The following FRMD4B variants were observed in gnomAD, a reference collection of about 807,000 sequenced individuals.
The protein encoded by FRMD4B is FERM domain containing 4B.
In FRMD4B, 74 loss-of-function variants were observed where a neutral mutation model predicts 141.5. The ratio of observed to expected loss-of-function variants is 0.52; its 90% CI spans 0.43 to 0.63. The LOEUF (loss-of-function observed/expected upper bound fraction) is 0.63, where lower values mean the gene tolerates loss of function less well. Among genes scored for constraint, FRMD4B ranks in the 30% least tolerant of loss-of-function variants. The pLI, the probability that FRMD4B is intolerant of heterozygous loss-of-function variation, is 0.00. For synonymous variants in FRMD4B, 506 were observed against 467.9 expected (o/e 1.08, Z -1.05); for missense variants, 1,366 against 1,253.4 (o/e 1.09, Z -1.36).
chr3:69,313,865 C>T (rs1341276150), intron 1 of FRMD4B, among the ~76,000 whole-genome samples: 3 of 151,244 alleles, frequency 2.0e-5, no homozygotes, highest in African/African-American at 4.9e-5. Flanking sequence ...AAAGGCCGGG[C>T]GCGGTGGCTC....
chr3:69,478,215 T>C (rs1178128311), intron 1 of FRMD4B, among the ~76,000 whole-genome samples: 1 of 152,178 alleles, frequency 6.6e-6, no homozygotes, highest in Non-Finnish European at 1.5e-5. Flanking sequence ...TCAGTTCTGC[T>C]CTGATTTTAG....
chr3:69,258,292 A>T (rs1330641456), intron 5 of FRMD4B, among the ~76,000 whole-genome samples: 1 of 152,018 alleles, frequency 6.6e-6, no homozygotes, highest in Non-Finnish European at 1.5e-5. Flanking sequence ...AATTTTTTTT[A>T]TTGAGGTACA....
At position 69,502,838 on chromosome 3, in the gene FRMD4B, GAAAC is replaced by G. The variant is rs1270839561; in HGVS notation, c.-129+39364_-129+39367del. The stretch of plus-strand genomic sequence containing the variant: ...ACAAAGAACTCAAACAAATTTACAA[GAAAC>G]AAACAAACAACCCCATCAAAAAGTG... On this transcript the variant is annotated intron_variant, in intron 1 of 5. Coordinates refer to the FRMD4B transcript ENST00000459638. 1.4e-4 allele frequency among the ~76,000 whole-genome samples: 22 copies of G among 152,120 alleles called. No homozygotes were observed. The East Asian group carries it at 3.7e-3, about 25-fold the overall frequency.
intron 1 of FRMD4B, among the ~76,000 whole-genome samples, chr3:69,375,627 A>C (rs936777503): frequency 6.9e-6 from 1 of 145,584 alleles, no homozygotes; most frequent in African/African-American, 2.6e-5. Context: ...TGAACAAATG[A>C]ACAAATGAAA....
At chr3:69,254,268 C>T (rs1051142451) in intron 5 of FRMD4B, among the ~76,000 whole-genome samples, 2 of 151,968 alleles carry the variant, frequency 1.3e-5, no homozygotes, top group Admixed American at 1.3e-4. Context: ...CCATGCCCGG[C>T]TAATTTTTGT....
chr3:69,257,796 G>A (rs1467481371), intron 5 of FRMD4B, among the ~76,000 whole-genome samples: 1 of 151,610 alleles, frequency 6.6e-6, no homozygotes, highest in Non-Finnish European at 1.5e-5. Flanking sequence ...TGAGTAGCCG[G>A]GACTACAGGT....
intron 5 of FRMD4B, among the ~76,000 whole-genome samples, chr3:69,279,699 T>G (rs557838815): frequency 3.0e-5 from 1 of 33,410 alleles, no homozygotes; most frequent in Non-Finnish European, 7.1e-5. Flanking sequence ...CCCCTCCTCC[T>G]TCTCCTCTTC....
intron 2 of FRMD4B, among the ~76,000 whole-genome samples, chr3:69,410,074 C>T (rs1179673356): frequency 1.3e-5 from 2 of 152,198 alleles, no homozygotes; most frequent in Admixed American, 6.5e-5. Flanking sequence ...GATTTCCTGA[C>T]AACAAACACA....
At chr3:69,418,897 T>C (rs1004278335) in intron 2 of FRMD4B, among the ~76,000 whole-genome samples, 10 of 152,102 alleles carry the variant, frequency 6.6e-5, no homozygotes, top group African/African-American at 2.4e-4. Context: ...TTTAAGCTGC[T>C]AAATTTGTGG....
intron 1 of FRMD4B, among the ~76,000 whole-genome samples, chr3:69,484,377 T>C (rs959410864): frequency 1.3e-5 from 2 of 152,184 alleles, no homozygotes; most frequent in Admixed American, 1.3e-4. Flanking sequence ...CCAGGTGCTA[T>C]TGTTACAAGA....
At chr3:69,454,691 C>T (rs947549614) in intron 1 of FRMD4B, among the ~76,000 whole-genome samples, 1 of 152,212 alleles carries the variant, frequency 6.6e-6, no homozygotes, top group African/African-American at 2.4e-5. Context: ...GGGCTTGGGA[C>T]TGCAGCCCAC....
At chr3:69,523,267 C>G (rs1700880750) in intron 1 of FRMD4B, among the ~76,000 whole-genome samples, 1 of 152,104 alleles carries the variant, frequency 6.6e-6, no homozygotes, top group Non-Finnish European at 1.5e-5. Flanking sequence ...AAGAGGATGA[C>G]AGAAGTGGTT....
At chr3:69,378,950 C>T (rs1242438903) in intron 1 of FRMD4B, among the ~76,000 whole-genome samples, 1 of 152,154 alleles carries the variant, frequency 6.6e-6, no homozygotes, top group Non-Finnish European at 1.5e-5. Flanking sequence ...TTGGTCCTTC[C>T]CTTTTGCATT....
At chr3:69,393,000 T>C (rs1704411943) in intron 2 of FRMD4B, among the ~76,000 whole-genome samples, 1 of 152,026 alleles carries the variant, frequency 6.6e-6, no homozygotes, top group African/African-American at 2.4e-5. Flanking sequence ...GGTGGAAGCA[T>C]GAATTGGAGG....
At chr3:69,491,254 G>A (rs986464416) in intron 1 of FRMD4B, among the ~76,000 whole-genome samples, 4 of 152,118 alleles carry the variant, frequency 2.6e-5, no homozygotes, top group Admixed American at 1.3e-4. Flanking sequence ...GGAAAATGAA[G>A]AAGAGAATGA....
intron 1 of FRMD4B, among the ~76,000 whole-genome samples, chr3:69,347,573 T>G (rs1466495808): frequency 6.6e-6 from 1 of 152,204 alleles, no homozygotes; most frequent in South Asian, 2.1e-4. Flanking sequence ...ATTGACCACA[T>G]AGTTGGAAGT....
At chr3:69,417,460 G>C (rs1704888532) in intron 2 of FRMD4B, among the ~76,000 whole-genome samples, 1 of 152,166 alleles carries the variant, frequency 6.6e-6, no homozygotes, top group African/African-American at 2.4e-5. Flanking sequence ...TTGTCAGATA[G>C]ATAGATTGCA....
chr3:69,241,166 T>G (rs903992962), intron 7 of FRMD4B, among the ~76,000 whole-genome samples: 1 of 152,208 alleles, frequency 6.6e-6, no homozygotes, highest in African/African-American at 2.4e-5. Context: ...TTAGGGTTTT[T>G]GTGTTCATTT....
chr3:69,229,357 G>A (rs896487975), intron 7 of FRMD4B, among the ~76,000 whole-genome samples: 4 of 151,978 alleles, frequency 2.6e-5, no homozygotes, highest in Non-Finnish European at 5.9e-5. Flanking sequence ...GAAGAACATG[G>A]CCTTATTTCT....
Sources: gnomAD v4.1 joint callset for allele counts (sites outside exome capture counted in the v4.1 genomes callset) on GRCh38, gnomAD v4.1.1 for gene constraint, MANE v1.5 for transcripts, NCBI Gene and HGNC (gene_info 2026-07-23, HGNC 2026-07-21) for gene names.